Variants in PTPRG observed in about 807,000 individuals in gnomAD.
PTPRG encodes the protein protein tyrosine phosphatase receptor type G, also known as receptor-type tyrosine-protein phosphatase gamma.
PTPRG carries 102 observed loss-of-function variants against 165.3 expected under a neutral mutation model. That is an observed-to-expected ratio of 0.62 (90% CI 0.53 to 0.73). PTPRG has a LOEUF of 0.73. Among genes scored for constraint, PTPRG ranks in the 30% least tolerant of loss-of-function variants. PTPRG has a pLI of 0.00. For missense variants in PTPRG, 1,866 were observed against 1,861.4 expected, an observed-to-expected ratio of 1.00 and a Z score of -0.05; for synonymous variants, 675 against 669.5, an observed-to-expected ratio of 1.01 and a Z score of -0.13.
At chr3:62,121,545 A>T (rs1703074117) in intron 5 of PTPRG, among the ~76,000 whole-genome samples, 2 of 152,132 alleles carry the variant, frequency 1.3e-5, no homozygotes, top group African/African-American at 4.8e-5. Flanking sequence ...AGTCTTAGGT[A>T]CCCAGCTTGC....
chr3:62,061,311 A>T (rs1454454605), intron 4 of PTPRG, among the ~76,000 whole-genome samples: 15 of 152,226 alleles, frequency 9.9e-5, no homozygotes, highest in Non-Finnish European at 5.9e-5. Context: ...ATGTTTGAGC[A>T]GGACTGTATT....
intron 1 of PTPRG, among the ~76,000 whole-genome samples, chr3:61,704,236 T>G (rs1474631975): frequency 6.6e-6 from 1 of 152,154 alleles, no homozygotes; most frequent in Non-Finnish European, 1.5e-5. Flanking sequence ...GTACTTCAGT[T>G]TGTCCAGCTG....
At chr3:62,099,558 C>A (rs547661510) in intron 5 of PTPRG, among the ~76,000 whole-genome samples, 1 of 151,566 alleles carries the variant, frequency 6.6e-6, no homozygotes, top group African/African-American at 2.4e-5. Context: ...TGTTCTTACA[C>A]AGAAAGGTGG....
At chr3:61,574,219 G>A (rs572704381) in intron 1 of PTPRG, among the ~76,000 whole-genome samples, 13 of 152,224 alleles carry the variant, frequency 8.5e-5, no homozygotes, top group East Asian at 3.9e-4. Flanking sequence ...ACAGTAGAGC[G>A]CAAAAATGAA....
chr3:61,662,031 A>G (rs1217914825), intron 1 of PTPRG, among the ~76,000 whole-genome samples: 2 of 152,204 alleles, frequency 1.3e-5, no homozygotes, highest in East Asian at 3.8e-4. Flanking sequence ...ATAGAAACCA[A>G]CACTATACTC....
intron 4 of PTPRG, among the ~76,000 whole-genome samples, chr3:62,025,183 C>A (rs2041778762): frequency 6.6e-6 from 1 of 152,168 alleles, no homozygotes; most frequent in Non-Finnish European, 1.5e-5. Flanking sequence ...TCTTAGCTGT[C>A]ACTACCCACC....
chr3:61,800,767 C>G (rs2035205057), intron 2 of PTPRG, among the ~76,000 whole-genome samples: 1 of 151,860 alleles, frequency 6.6e-6, no homozygotes, highest in Non-Finnish European at 1.5e-5. Flanking sequence ...CCTCAGCCTC[C>G]CGAGTAGCTG....
At chr3:62,244,588 C>T (rs911253634) in intron 15 of PTPRG, among the ~76,000 whole-genome samples, 1 of 152,098 alleles carries the variant, frequency 6.6e-6, no homozygotes, top group African/African-American at 2.4e-5. Flanking sequence ...ATACATCTAT[C>T]CTCTTGACAT....
At chr3:62,202,453 T>C (rs1700116355) in intron 11 of PTPRG, among the ~76,000 whole-genome samples, 1 of 152,208 alleles carries the variant, frequency 6.6e-6, no homozygotes, top group African/African-American at 2.4e-5. Flanking sequence ...GGTTGGCATT[T>C]GTTAATTGGA....
chr3:61,977,498 T>G (rs892194500), intron 2 of PTPRG, among the ~76,000 whole-genome samples: 2 of 152,226 alleles, frequency 1.3e-5, no homozygotes, highest in South Asian at 4.1e-4. Flanking sequence ...GAAGTTGCCT[T>G]GTAATTTTTG....
rs191540342 is a variant in PTPRG at position 61,579,212 on chromosome 3, G to A, written c.85+16840G>A. ...CTTTGGCCAAGTTATCTCTTGCTAC[G>A]TTATCAAGGCAAACCCTTTCTAGGG... On this transcript the variant is annotated intron_variant, in intron 1 of 29. Coordinates refer to ENST00000474889, the MANE Select transcript of PTPRG (RefSeq NM_002841.4). Among the ~76,000 whole-genome samples, 549 of 152,310 alleles carry A rather than the reference G, an allele frequency of 3.6e-3. 2 individuals carry two copies. The highest frequency in any genetic ancestry group is 0.01 in the Middle Eastern group (3 of 294).
At chr3:61,848,684 C>G (rs2036874177) in intron 2 of PTPRG, among the ~76,000 whole-genome samples, 1 of 152,092 alleles carries the variant, frequency 6.6e-6, no homozygotes, top group South Asian at 2.1e-4. Flanking sequence ...CTTGCTCTTC[C>G]CTAAATTGCT....
intron 2 of PTPRG, chr3:61,769,853 T>C (rs2107016704): frequency 1.3e-5 from 2 of 152,286 alleles, no homozygotes; most frequent in African/African-American, 4.8e-5. Flanking sequence ...ATTCCCCAAT[T>C]AGACAATCAG....
intron 2 of PTPRG, among the ~76,000 whole-genome samples, chr3:61,964,145 A>G (rs985606543): frequency 2.6e-5 from 4 of 152,252 alleles, no homozygotes; most frequent in Non-Finnish European, 5.9e-5. Flanking sequence ...TATAGAGCAC[A>G]ATGGTTAATG....
chr3:62,109,598 G>A (rs771523711), intron 5 of PTPRG, among the ~76,000 whole-genome samples: 1 of 152,116 alleles, frequency 6.6e-6, no homozygotes, highest in Non-Finnish European at 1.5e-5. Context: ...AGCTGGTGCA[G>A]CAGTGGGTTG....
At chr3:61,569,929 A>G (rs1700016935) in intron 1 of PTPRG, among the ~76,000 whole-genome samples, 2 of 152,184 alleles carry the variant, frequency 1.3e-5, no homozygotes, top group Admixed American at 1.3e-4. Context: ...AAGTGGGAAA[A>G]ATGCTTTCTG....
intron 8 of PTPRG, among the ~76,000 whole-genome samples, chr3:62,183,469 C>T (rs1259373874): frequency 6.6e-6 from 1 of 151,258 alleles, no homozygotes; most frequent in Non-Finnish European, 1.5e-5. Context: ...GAGGCTGAGG[C>T]ATGAGAATTG....
At chr3:61,599,011 A>C (rs371535157) in intron 1 of PTPRG, among the ~76,000 whole-genome samples, 4 of 152,114 alleles carry the variant, frequency 2.6e-5, no homozygotes, top group Non-Finnish European at 5.9e-5. Context: ...CCCAATTTCA[A>C]TTCAACACAT....
chr3:62,251,320 G>A (rs761278565), intron 15 of PTPRG, among the ~76,000 whole-genome samples: 39 of 152,274 alleles, frequency 2.6e-4, no homozygotes, highest in South Asian at 8.3e-4. Context: ...AGGAGTTCAA[G>A]ACCAGCCTGG....
Sources: gnomAD v4.1 joint callset for allele counts (sites outside exome capture counted in the v4.1 genomes callset) on GRCh38, gnomAD v4.1.1 for gene constraint, MANE v1.5 for transcripts, NCBI Gene and HGNC (gene_info 2026-07-23, HGNC 2026-07-21) for gene names.